NKAIN2: variants seen among roughly 807,000 people sequenced by gnomAD.
NKAIN2 encodes the protein sodium/potassium transporting ATPase interacting 2.
In NKAIN2, 14 loss-of-function variants were observed where a neutral mutation model predicts 32.6. That is an observed-to-expected ratio of 0.43 (90% confidence interval 0.28 to 0.67). The LOEUF is 0.67. Ranked by LOEUF, NKAIN2 falls within the 30% of genes least tolerant of loss-of-function variation. The pLI, the probability that NKAIN2 is intolerant of heterozygous loss-of-function variation, is 0.17. For missense variants in NKAIN2, 198 were observed against 258.3 expected (o/e 0.77, Z 1.60); for synonymous variants, 80 against 87.2 (o/e 0.92, Z 0.46).
At chr6:124,228,226 C>A (rs1792225012) in intron 1 of NKAIN2, among the ~76,000 whole-genome samples, 2 of 152,042 alleles carry the variant, frequency 1.3e-5, no homozygotes. Context: ...CTTTGAGAAG[C>A]AAATCTGTTT....
intron 1 of NKAIN2, among the ~76,000 whole-genome samples, chr6:123,827,899 A>G (rs560694845): frequency 2.0e-5 from 3 of 151,738 alleles, no homozygotes; most frequent in Admixed American, 1.3e-4. Context: ...CTCTCTCTAT[A>G]TATATATATG....
chr6:124,170,373 A>T lies in NKAIN2; in HGVS notation c.55-112632A>T, dbSNP rs151077884. On this transcript the variant is annotated intron_variant, in intron 1 of 6. Transcript: ENST00000368417. ...ATATTTGTTGAATGAATATAAGGGA[A>T]CACTATGCCATTTCCATAGATATTT... Among the ~76,000 whole-genome samples, 719 of 152,346 alleles carry T rather than the reference A, an allele frequency of 4.7e-3. 4 individuals are homozygous for T. The highest frequency in any genetic ancestry group is 0.015 in the African/African-American group (624 of 41,580).
At chr6:124,495,260 T>TA (rs995349095) in intron 3 of NKAIN2, among the ~76,000 whole-genome samples, 2 of 152,158 alleles carry the variant, frequency 1.3e-5, no homozygotes, top group African/African-American at 4.8e-5. Flanking sequence ...CTGCAGTTCT[T>TA]AAAGACATTT....
intron 3 of NKAIN2, among the ~76,000 whole-genome samples, chr6:124,483,878 G>T (rs1218981664): frequency 1.3e-5 from 2 of 152,008 alleles, no homozygotes; most frequent in Non-Finnish European, 2.9e-5. Flanking sequence ...ATAACCAATC[G>T]CTATGATAAG....
chr6:123,874,900 C>A (rs965790269), intron 1 of NKAIN2, among the ~76,000 whole-genome samples: 1 of 151,642 alleles, frequency 6.6e-6, no homozygotes, highest in African/African-American at 2.4e-5. Flanking sequence ...TACATACATA[C>A]ATACATACAT....
At chr6:124,227,818 A>T (rs1282253327) in intron 1 of NKAIN2, among the ~76,000 whole-genome samples, 1 of 152,160 alleles carries the variant, frequency 6.6e-6, no homozygotes, top group African/African-American at 2.4e-5. Context: ...ACACACAAGT[A>T]TTCCTTTGGT....
In NKAIN2 at chr6:124,424,055, G is replaced by A. The variant is rs568420412; in HGVS notation, c.273+68708G>A. ...GTTGCCCAGGCTGGAGTTCAGTGGC[G>A]CATTCTCGGCTCACTGCAAGCTCTG... is the stretch of plus-strand genomic sequence containing the variant. On this transcript the variant is annotated intron_variant, in intron 3 of 6. Coordinates refer to ENST00000368417, the MANE Select transcript of NKAIN2 (RefSeq NM_001040214.3). Among the ~76,000 whole-genome samples the A allele has an allele frequency of 1.9e-3, 283 of 152,126 alleles. 1 individual carries two copies. The highest frequency in any genetic ancestry group is 6.5e-3 in the African/African-American group (268 of 41,508).
chr6:124,129,599 T>A (rs1353161891), intron 1 of NKAIN2, among the ~76,000 whole-genome samples: 1 of 152,176 alleles, frequency 6.6e-6, no homozygotes, highest in Non-Finnish European at 1.5e-5. Context: ...TGTCACTCGT[T>A]TCTTTTCTCC....
chr6:124,216,260 A>C (rs1791473610), intron 1 of NKAIN2, among the ~76,000 whole-genome samples: 1 of 152,148 alleles, frequency 6.6e-6, no homozygotes, highest in African/African-American at 2.4e-5. Context: ...AATGCAGTTA[A>C]CTCCAGGTAG....
intron 1 of NKAIN2, among the ~76,000 whole-genome samples, chr6:123,915,867 G>C (rs1227758392): frequency 1.3e-5 from 2 of 152,118 alleles, no homozygotes; most frequent in Non-Finnish European, 2.9e-5. Context: ...TCTGAAAAGA[G>C]AAAAACTAAT....
chr6:124,748,687 C>T (rs1777569225), intron 4 of NKAIN2, among the ~76,000 whole-genome samples: 2 of 151,860 alleles, frequency 1.3e-5, no homozygotes, highest in Non-Finnish European at 2.9e-5. Context: ...TTGTTTTCTG[C>T]TATTCAGAGC....
At chr6:124,011,506 T>G (rs10434880) in intron 1 of NKAIN2, among the ~76,000 whole-genome samples, 13,206 of 152,046 alleles carry the variant, frequency 0.087, 887 homozygotes, top group African/African-American at 0.18. Context: ...ATTACCTTCC[T>G]TCCTAAAAAT....
intron 4 of NKAIN2, among the ~76,000 whole-genome samples, chr6:124,765,453 A>G (rs1778470802): frequency 6.6e-6 from 1 of 152,210 alleles, no homozygotes; most frequent in Admixed American, 6.5e-5. Context: ...GCCGCACAGC[A>G]CTTCTGTCCT....
intron 3 of NKAIN2, among the ~76,000 whole-genome samples, chr6:124,497,824 T>TTAA (rs1554217444): frequency 8.5e-5 from 9 of 105,710 alleles, no homozygotes; most frequent in Non-Finnish European, 1.3e-4. Context: ...GAGTAAGGGG[T>TTAA]AAAAAAAAAA....
At chr6:124,584,353 CA>C (rs549799302) in intron 3 of NKAIN2, among the ~76,000 whole-genome samples, 59 of 152,136 alleles carry the variant, frequency 3.9e-4, no homozygotes, top group Middle Eastern at 3.4e-3. Flanking sequence ...AGACATTTCT[CA>C]AAAGAAGACA....
At chr6:124,606,688 C>T (rs1782512935) in intron 3 of NKAIN2, among the ~76,000 whole-genome samples, 1 of 151,844 alleles carries the variant, frequency 6.6e-6, no homozygotes, top group Non-Finnish European at 1.5e-5. Context: ...TTGATGAAAT[C>T]ACTGCAATTA....
At chr6:124,304,722 T>C (rs1796439576) in intron 2 of NKAIN2, among the ~76,000 whole-genome samples, 1 of 151,740 alleles carries the variant, frequency 6.6e-6, no homozygotes, top group African/African-American at 2.4e-5. Context: ...GAGACCATTC[T>C]GGCCAACATG....
chr6:124,737,540 C>T (rs909257587), intron 4 of NKAIN2, among the ~76,000 whole-genome samples: 3 of 151,594 alleles, frequency 2.0e-5, no homozygotes, highest in Non-Finnish European at 2.9e-5. Flanking sequence ...TGAAGATGCT[C>T]GAAAATGTGG....
intron 3 of NKAIN2, among the ~76,000 whole-genome samples, chr6:124,605,628 A>T (rs17052154): frequency 0.13 from 19,228 of 152,034 alleles, 1,349 homozygotes; most frequent in Middle Eastern, 0.22. Flanking sequence ...ATTATGGGGT[A>T]TCTCCGCAGT....
Sources: gnomAD v4.1 joint callset for allele counts (sites outside exome capture counted in the v4.1 genomes callset) on GRCh38, gnomAD v4.1.1 for gene constraint, MANE v1.5 for transcripts, NCBI Gene and HGNC (gene_info 2026-07-23, HGNC 2026-07-21) for gene names.